Variants in SLC24A2 observed in about 807,000 individuals in gnomAD.
SLC24A2 encodes the protein solute carrier family 24 member 2.
In SLC24A2, 36 loss-of-function variants were observed where a neutral mutation model predicts 62.0. The observed-to-expected ratio is 0.58, with a 90% CI of 0.44 to 0.77. SLC24A2 has a LOEUF of 0.77. Among genes scored for constraint, SLC24A2 ranks in the 30% least tolerant of loss-of-function variants. The pLI, the probability that SLC24A2 is intolerant of heterozygous loss-of-function variation, is 0.00. For synonymous variants in SLC24A2, 358 were observed against 294.0 expected (o/e 1.22, Z -2.23); for missense variants, 846 against 817.9 (o/e 1.03, Z -0.42).
the SLC24A2 span, among the ~76,000 whole-genome samples, chr9:20,227,214 TG>T: frequency 3.9e-5 from 6 of 152,282 alleles, no homozygotes; most frequent in East Asian, 1.2e-3. Flanking sequence ...GAATACGATA[TG>T]TTGACTCTGC....
the SLC24A2 span, among the ~76,000 whole-genome samples, chr9:20,022,266 T>C: frequency 5.3e-5 from 8 of 152,192 alleles, no homozygotes. Flanking sequence ...AACAGGTAAT[T>C]TATGAATGAT....
chr9:20,158,888 A>G, the SLC24A2 span, among the ~76,000 whole-genome samples: 1 of 151,720 alleles, frequency 6.6e-6, no homozygotes. Flanking sequence ...TATATCTGGG[A>G]AAACTGAATT....
chr9:19,543,391 A>T (rs1586926007), intron 8 of SLC24A2, among the ~76,000 whole-genome samples: 1 of 145,152 alleles, frequency 6.9e-6, no homozygotes, highest in African/African-American at 2.5e-5. Context: ...GGATTCATTG[A>T]TTTTTTTTTT....
chr9:20,271,076 T>A, the SLC24A2 span, among the ~76,000 whole-genome samples: 2 of 152,172 alleles, frequency 1.3e-5, no homozygotes, highest in Admixed American at 6.5e-5. Context: ...CTTCACTCTA[T>A]CTTACTCTCG....
chr9:20,157,914 A>T, the SLC24A2 span, among the ~76,000 whole-genome samples: 1 of 151,532 alleles, frequency 6.6e-6, no homozygotes, highest in Non-Finnish European at 1.5e-5. Flanking sequence ...TATGAATCAA[A>T]TCTAAAAAAG....
At chr9:19,758,522 C>A (rs1822214312) in intron 2 of SLC24A2, among the ~76,000 whole-genome samples, 1 of 152,078 alleles carries the variant, frequency 6.6e-6, no homozygotes, top group African/African-American at 2.4e-5. Flanking sequence ...TTCAGTAGGT[C>A]TTTACTTAAA....
At chr9:20,072,423 C>T in the SLC24A2 span, among the ~76,000 whole-genome samples, 11 of 151,798 alleles carry the variant, frequency 7.2e-5, no homozygotes, top group Admixed American at 3.9e-4. Flanking sequence ...CTAAAGTACC[C>T]GAGGATTATA....
chr9:20,086,551 A>C, the SLC24A2 span, among the ~76,000 whole-genome samples: 1 of 152,132 alleles, frequency 6.6e-6, no homozygotes, highest in Non-Finnish European at 1.5e-5. Flanking sequence ...AGAGAAGTGG[A>C]TGTGCCCAAC....
intron 2 of SLC24A2, among the ~76,000 whole-genome samples, chr9:19,754,108 T>C (rs948201496): frequency 6.6e-6 from 1 of 152,190 alleles, no homozygotes; most frequent in Non-Finnish European, 1.5e-5. Flanking sequence ...GTAAAAAAGC[T>C]TACTACTCAG....
chr9:20,181,579 C>T, the SLC24A2 span, among the ~76,000 whole-genome samples: 1 of 152,112 alleles, frequency 6.6e-6, no homozygotes, highest in Non-Finnish European at 1.5e-5. Context: ...AATTGGCTAC[C>T]GTGTGTAGAA....
At chr9:19,589,342 T>C (rs571550676) in intron 5 of SLC24A2, among the ~76,000 whole-genome samples, 72 of 152,248 alleles carry the variant, frequency 4.7e-4, no homozygotes, top group African/African-American at 1.5e-3. Context: ...ATCTCCAAGA[T>C]GCAATTAATA....
At chr9:19,780,004 A>C (rs186926640) in intron 2 of SLC24A2, among the ~76,000 whole-genome samples, 1,573 of 152,112 alleles carry the variant, frequency 0.01, 53 homozygotes, top group Admixed American at 0.066. Flanking sequence ...GGAGCTTGCA[A>C]GTGAGCCGAG....
chr9:20,022,955 G>A, the SLC24A2 span, among the ~76,000 whole-genome samples: 2 of 152,200 alleles, frequency 1.3e-5, no homozygotes, highest in South Asian at 4.1e-4. Context: ...GTATGGTCAT[G>A]AAGAAGGTGG....
At chr9:20,229,989 T>A in the SLC24A2 span, among the ~76,000 whole-genome samples, 2 of 151,524 alleles carry the variant, frequency 1.3e-5, no homozygotes, top group African/African-American at 4.9e-5. Context: ...TGGTGTTTGG[T>A]TTTTTGTCCT....
the SLC24A2 span, among the ~76,000 whole-genome samples, chr9:20,007,685 T>C: frequency 6.6e-6 from 1 of 152,124 alleles, no homozygotes; most frequent in South Asian, 2.1e-4. Context: ...CAGAAGTCCC[T>C]TTGGGCATAT....
chr9:19,904,473 G>C, the SLC24A2 span, among the ~76,000 whole-genome samples: 2 of 152,170 alleles, frequency 1.3e-5, no homozygotes, highest in Non-Finnish European at 2.9e-5. Context: ...AAGTTTACTA[G>C]ATTGGACAAA....
the SLC24A2 span, among the ~76,000 whole-genome samples, chr9:20,237,988 C>A: frequency 6.6e-6 from 1 of 152,160 alleles, no homozygotes; most frequent in East Asian, 1.9e-4. Context: ...GACAACCACA[C>A]TCCATGGTGC....
the SLC24A2 span, among the ~76,000 whole-genome samples, chr9:19,895,553 T>C: frequency 6.6e-6 from 1 of 151,400 alleles, no homozygotes; most frequent in African/African-American, 2.4e-5. Context: ...TTTCTTTTTT[T>C]TTTTTTTTTT....
At chr9:19,933,727 A>G in the SLC24A2 span, among the ~76,000 whole-genome samples, 3 of 152,250 alleles carry the variant, frequency 2.0e-5, no homozygotes, top group South Asian at 2.1e-4. Context: ...CCAAATGTTC[A>G]TCAACTGATG....
Sources: gnomAD v4.1 joint callset for allele counts (sites outside exome capture counted in the v4.1 genomes callset) on GRCh38, gnomAD v4.1.1 for gene constraint, MANE v1.5 for transcripts, NCBI Gene and HGNC (gene_info 2026-07-23, HGNC 2026-07-21) for gene names.